Variants in PCBP3 observed in about 807,000 individuals in gnomAD.
PCBP3 encodes poly(rC) binding protein 3.
Under a neutral mutation model 52.7 loss-of-function variants are expected in PCBP3, and 25 were observed. The ratio of observed to expected loss-of-function variants is 0.47; its 90% CI spans 0.35 to 0.66. PCBP3 has a LOEUF of 0.66. Ranked by LOEUF, PCBP3 falls within the 30% of genes least tolerant of loss-of-function variation. The pLI is 0.01. For synonymous variants in PCBP3, 162 were observed against 183.0 expected, an observed-to-expected ratio of 0.89 and a Z score of 0.93; for missense variants, 391 against 490.3, an observed-to-expected ratio of 0.80 and a Z score of 1.91.
Position 45,917,745 on chromosome 21 carries a change from C to T in PCBP3, c.717+116C>T, listed in dbSNP as rs766322528. ...ATTACACAATAATATTAATCAACTT[C>T]TCAGCGTTCCTGACCTGTGTCGTAT... On this transcript the variant is annotated intron_variant, in intron 13 of 17. Coordinates refer to ENST00000681687, the MANE Select transcript of PCBP3 (RefSeq NM_001384156.1). The surrounding 1 kb of genome is among the most constrained non-coding windows in gnomAD (Gnocchi z 5.3). 2.3e-6 allele frequency: 2 copies of T among 868,590 alleles called. No individual in the cohort carries two copies. The highest frequency in any genetic ancestry group is 3.9e-6 in the Non-Finnish European group (2 of 511,198). The allele number at this position is 868,590 out of a possible 1,614,324, so 53.8% of individuals were successfully genotyped here.
chr21:45,929,970 C>G lies in PCBP3; in HGVS notation c.771C>G (p.Leu257=), dbSNP rs751765767. The change falls in exon 14 of 18, where the codon CTC becomes CTG. Residue 257 remains leucine (L), a synonymous_variant. Coordinates refer to ENST00000681687, the MANE Select transcript of PCBP3 (RefSeq NM_001384156.1). The part of the protein sequence containing the change: ...LAMQQTPFPP[L]GQTNPAFPGE... ...TGCAGCAAACCCCCTTTCCTCCCCT[C>G]GGACAGACCAACCCCGCTTTCCCCG... The G allele has an allele frequency of 6.2e-7, 1 of 1,613,638 alleles. No homozygotes were observed. Among genetic ancestry groups the G allele is most frequent in the Non-Finnish European group, 8.5e-7 (1 of 1,179,822 alleles).
At chr21:45,834,587 C>T (rs2093536252) in intron 4 of PCBP3, among the ~76,000 whole-genome samples, 2 of 152,222 alleles carry the variant, frequency 1.3e-5, no homozygotes, top group African/African-American at 4.8e-5. Context: ...CCCAGGCCAC[C>T]ACGTCCACGA....
intron 2 of PCBP3, among the ~76,000 whole-genome samples, chr21:45,693,474 G>A (rs2082599947): frequency 6.6e-6 from 1 of 152,092 alleles, no homozygotes; most frequent in Admixed American, 6.6e-5. Flanking sequence ...TTTTGGGGGT[G>A]ATGGAAATGC....
chr21:45,684,086 G>T (rs1053298538), intron 2 of PCBP3, among the ~76,000 whole-genome samples: 1 of 151,344 alleles, frequency 6.6e-6, no homozygotes. Context: ...AAAATTGCCG[G>T]GTGTGGTGGC....
intron 4 of PCBP3, among the ~76,000 whole-genome samples, chr21:45,793,134 A>C (rs565094565): frequency 2.0e-5 from 3 of 152,334 alleles, no homozygotes; most frequent in Admixed American, 2.0e-4. Flanking sequence ...AGCAGAAAGA[A>C]GACGTGGGGC....
chr21:45,738,531 G>T (rs529919648), intron 3 of PCBP3, among the ~76,000 whole-genome samples: 4 of 152,320 alleles, frequency 2.6e-5, no homozygotes, highest in Admixed American at 2.0e-4. Context: ...TGGGATTCCA[G>T]TCGTGAGCCA....
intron 15 of PCBP3, among the ~76,000 whole-genome samples, chr21:45,933,774 TC>T (rs1415554521): frequency 6.6e-6 from 1 of 152,030 alleles, no homozygotes; most frequent in Non-Finnish European, 1.5e-5. Flanking sequence ...CCCTGTGGGG[TC>T]ACTCCCTGCC....
chr21:45,873,918 C>T (rs151128196), intron 5 of PCBP3, among the ~76,000 whole-genome samples: 429 of 152,352 alleles, frequency 2.8e-3, no homozygotes, highest in African/African-American at 8.6e-3. Context: ...CGTGCGCCAT[C>T]GTGCCTGGCT....
intron 9 of PCBP3, among the ~76,000 whole-genome samples, chr21:45,907,488 C>T (rs1337077571): frequency 6.6e-6 from 1 of 152,198 alleles, no homozygotes; most frequent in Non-Finnish European, 1.5e-5. Flanking sequence ...TTTCATCTTA[C>T]GTCTGTCTTT....
rs1205993965 is a variant in PCBP3 at position 45,817,804 on chromosome 21, G to A, written c.-125-32157G>A. 1.3e-5 allele frequency among the ~76,000 whole-genome samples: 2 copies of A among 152,216 alleles called. No homozygotes were observed. Among genetic ancestry groups the A allele is most frequent in the Non-Finnish European group, 2.9e-5 (2 of 68,036 alleles). On this transcript the variant is annotated intron_variant, in intron 4 of 17. Transcript: ENST00000681687. The surrounding 1 kb of genome is among the most constrained non-coding windows in gnomAD (Gnocchi z 4.3). ...GGTTGGAATCAAAATCCAAAACCTT[G>A]TGGTTTCCATTTTCAGTTGATGATA...
At position 45,935,279 on chromosome 21, in the gene PCBP3, A is replaced by C; in HGVS notation, c.883A>C (p.Thr295Pro). ...SGLDASPPAS[T>P]HELTIPNDLI... ...TCTGGACGCCAGCCCACCGGCCAGC[A>C]CTCATGAGCTCACCATTCCCAATGA... The change falls in exon 16 of 18, where the codon ACT (threonine) becomes CCT (proline). Residue 295 changes from threonine to proline, a missense_variant. Physicochemically the swap from Thr to Pro is conservative, Grantham distance 38. Transcript: ENST00000681687. 6.2e-7 allele frequency: 1 copy of C among 1,613,302 alleles called. No individual in the cohort carries two copies. The highest frequency in any genetic ancestry group is 2.2e-5 in the East Asian group (1 of 44,856).
rs532905108 is a variant in PCBP3 at position 45,651,318 on chromosome 21, AC to A, written c.-279+7451del. On this transcript the variant is annotated intron_variant, in intron 1 of 17. Coordinates refer to ENST00000681687, the MANE Select transcript of PCBP3 (RefSeq NM_001384156.1). ...CTTATTATTTATTTTCTTTTATACA[AC>A]GTTTTTTCTATTTATAAAAGTAATA... 3.8e-3 allele frequency among the ~76,000 whole-genome samples: 582 copies of A among 152,258 alleles called. 5 individuals are homozygous for A. Among genetic ancestry groups the A allele is most frequent in the African/African-American group, 0.013 (555 of 41,540 alleles).
chr21:45,888,600 G>GAT (rs1232356560), intron 5 of PCBP3, among the ~76,000 whole-genome samples: 1 of 152,244 alleles, frequency 6.6e-6, no homozygotes, highest in Non-Finnish European at 1.5e-5. Context: ...CACAGCACGT[G>GAT]ATACCACAGG....
At position 45,867,854 on chromosome 21, in the gene PCBP3, C is replaced by T. The variant is rs577837138; in HGVS notation, c.10+17759C>T. Among the ~76,000 whole-genome samples the T allele has an allele frequency of 7.9e-5, 12 of 152,400 alleles. No homozygotes were observed. In the South Asian group the frequency reaches 1.9e-3, roughly 24 times the overall value. On this transcript the variant is annotated intron_variant, in intron 5 of 17. Coordinates refer to ENST00000681687, the MANE Select transcript of PCBP3 (RefSeq NM_001384156.1). ...AAGGGGCCAGCCGGGACCAGGCTCA[C>T]GCCGTGGAATTCTGCTCTGTGGTAA...
At chr21:45,806,007 A>G (rs973278220) in intron 4 of PCBP3, among the ~76,000 whole-genome samples, 2 of 152,188 alleles carry the variant, frequency 1.3e-5, no homozygotes, top group African/African-American at 4.8e-5. Flanking sequence ...TCAGCATTAG[A>G]GAGGGCGGTC....
chr21:45,902,044 G>A (rs1268242200), intron 9 of PCBP3, among the ~76,000 whole-genome samples: 1 of 152,224 alleles, frequency 6.6e-6, no homozygotes, highest in Non-Finnish European at 1.5e-5. Flanking sequence ...GCAGGCAGGA[G>A]GGGGAGCTTG....
intron 1 of PCBP3, among the ~76,000 whole-genome samples, chr21:45,644,625 G>C (rs1452654605): frequency 6.6e-6 from 1 of 152,044 alleles, no homozygotes; most frequent in Non-Finnish European, 1.5e-5. Context: ...CTCGTGGCTC[G>C]GGGTTGGTTA....
chr21:45,703,367 C>G (rs1369759064), intron 2 of PCBP3, among the ~76,000 whole-genome samples: 1 of 152,204 alleles, frequency 6.6e-6, no homozygotes, highest in Non-Finnish European at 1.5e-5. Flanking sequence ...ACTTGAAAGT[C>G]AAAATTACTC....
At chr21:45,828,355 ACGGTGAGTTACTCT>A (rs2093359120) in intron 4 of PCBP3, 1 of 152,184 alleles carries the variant, frequency 6.6e-6, no homozygotes, top group South Asian at 2.1e-4. Flanking sequence ...GACTCTTAAT[ACGGTGAGTTACTCT>A]CGCTCTGGAT....
Sources: allele counts gnomAD v4.1 joint callset (sites outside exome capture counted in the v4.1 genomes callset), GRCh38; gene constraint gnomAD v4.1.1; non-coding constraint Gnocchi (gnomAD v3.1); transcripts MANE v1.5; gene names NCBI Gene and HGNC (gene_info 2026-07-23, HGNC 2026-07-21).